KYNU: variants seen among roughly 807,000 people sequenced by gnomAD.
The protein encoded by KYNU is kynureninase.
KYNU carries 54 observed loss-of-function variants against 59.2 expected under a neutral mutation model. That is an observed-to-expected ratio of 0.91 (90% CI 0.73 to 1.14). The LOEUF (loss-of-function observed/expected upper bound fraction) is 1.14, where lower values mean the gene tolerates loss of function less well. KYNU is among the 50% of genes most tolerant of loss of function. The pLI is 0.00. For synonymous variants in KYNU, 177 were observed against 192.0 expected, an observed-to-expected ratio of 0.92 and a Z score of 0.65; for missense variants, 567 against 554.4, an observed-to-expected ratio of 1.02 and a Z score of -0.23.
At chr2:142,918,835 AGT>A in intron 3 of KYNU, 106 bp downstream of exon 3, 1 of 1,297,420 alleles carries the variant, frequency 7.7e-7, no homozygotes, top group Non-Finnish European at 1.1e-6. Context: ...ATCCTAGTAC[AGT>A]CATCCCTTGG....
At chr2:142,965,432 ACGAAAGACT>A (rs1684495744) in intron 8 of KYNU, among the ~76,000 whole-genome samples, 4 of 150,092 alleles carry the variant, frequency 2.7e-5, no homozygotes, top group Non-Finnish European at 5.9e-5. Flanking sequence ...TTTTCTCACC[ACGAAAGACT>A]TGAGGCAAGG....
At chr2:143,020,955 A>G (rs1686389928) in intron 10 of KYNU, among the ~76,000 whole-genome samples, 1 of 152,220 alleles carries the variant, frequency 6.6e-6, no homozygotes, top group African/African-American at 2.4e-5. Flanking sequence ...AGAGTACATA[A>G]TCAGACTTTT....
chr2:142,885,316 G>A, intron 1 of KYNU, 33 bp from the exon 2 acceptor site: 1 of 1,570,796 alleles, frequency 6.4e-7, no homozygotes, highest in Non-Finnish European at 8.7e-7. Flanking sequence ...GAAAATTATG[G>A]TGGCTAGATT....
chr2:143,041,992 A>C (rs955578146), intron 13 of KYNU, 55 bp from the exon 14 acceptor site: 14 of 1,588,646 alleles, frequency 8.8e-6, no homozygotes, highest in African/African-American at 1.3e-5. Context: ...TGGAATGTAG[A>C]TTTTCAACGT....
At position 143,045,024 on chromosome 2, in the gene KYNU, G is replaced by C. The variant is rs538281354; in HGVS notation, c.*2852G>C. 3.9e-5 allele frequency: 6 copies of C among 151,944 alleles called. No individual in the cohort carries two copies. In the South Asian group the frequency reaches 8.3e-4, roughly 21 times the overall value. The allele number at this position is 151,944 out of a possible 1,614,324, so 9.4% of individuals were successfully genotyped here. A position where few individuals can be genotyped will look rare whatever the true frequency, so the allele number is the denominator to read the frequency against. ...TAATTTTTGTATAAGATATAAGAAAGGGGTCCAGTTTCAGTTTTCTGCATA... is the reference window on the plus strand; with the variant it reads ...TAATTTTTGTATAAGATATAAGAAACGGGTCCAGTTTCAGTTTTCTGCATA... On this transcript the variant is annotated 3_prime_UTR_variant, in exon 14 of 14. Coordinates refer to ENST00000264170, the MANE Select transcript of KYNU (RefSeq NM_003937.3).
intron 8 of KYNU, among the ~76,000 whole-genome samples, chr2:142,979,111 G>GT (rs1238718617): frequency 3.3e-5 from 5 of 152,096 alleles, no homozygotes; most frequent in African/African-American, 1.2e-4. Flanking sequence ...AAAAATTTTA[G>GT]TTTTGTGTTA....
At chr2:142,966,802 G>A (rs1684555034) in intron 8 of KYNU, among the ~76,000 whole-genome samples, 1 of 152,056 alleles carries the variant, frequency 6.6e-6, no homozygotes, top group South Asian at 2.1e-4. Context: ...TTAGTGCTTA[G>A]CAGATGGTAA....
chr2:142,934,067 G>C (rs1683309033), intron 4 of KYNU, among the ~76,000 whole-genome samples: 1 of 152,178 alleles, frequency 6.6e-6, no homozygotes, highest in South Asian at 2.1e-4. Context: ...CTGAGGTCCT[G>C]GATTAAGCGA....
chr2:142,951,055 G>A (rs558910395), intron 4 of KYNU, among the ~76,000 whole-genome samples: 14 of 152,330 alleles, frequency 9.2e-5, no homozygotes, highest in Admixed American at 5.9e-4. Context: ...TTATATGAAT[G>A]TGGTTTGTAG....
intron 4 of KYNU, among the ~76,000 whole-genome samples, chr2:142,943,223 C>T (rs1683658045): frequency 6.6e-6 from 1 of 151,662 alleles, no homozygotes; most frequent in Non-Finnish European, 1.5e-5. Context: ...TGCCTGACTA[C>T]CTACTGTAAC....
At chr2:142,914,638 A>G (rs1346209246) in intron 2 of KYNU, among the ~76,000 whole-genome samples, 1 of 152,214 alleles carries the variant, frequency 6.6e-6, no homozygotes, top group African/African-American at 2.4e-5. Flanking sequence ...CATATTGGCA[A>G]TTCTCACAAT....
At chr2:143,041,135 T>G (rs1364057617) in intron 13 of KYNU, among the ~76,000 whole-genome samples, 1 of 151,944 alleles carries the variant, frequency 6.6e-6, no homozygotes, top group East Asian at 1.9e-4. Context: ...TTCTCAGGAG[T>G]GGTAACATTG....
chr2:142,985,560 A>G (rs1290472109), intron 9 of KYNU, among the ~76,000 whole-genome samples: 1 of 151,894 alleles, frequency 6.6e-6, no homozygotes, highest in Admixed American at 6.6e-5. Context: ...ATTTGAAAAC[A>G]GTTGACAGGG....
Position 143,048,871 on chromosome 2 carries a change from G to A in KYNU, c.*6699G>A, listed in dbSNP as rs1440056352. The A allele has an allele frequency of 1.3e-5, 2 of 152,190 alleles. No homozygotes were observed. Among genetic ancestry groups the A allele is most frequent in the Non-Finnish European group, 2.9e-5 (2 of 68,032 alleles). 9.4% of individuals were successfully genotyped at this position (152,190 alleles called of 1,614,324 possible). On this transcript the variant is annotated 3_prime_UTR_variant, in exon 14 of 14. Coordinates refer to ENST00000264170, the MANE Select transcript of KYNU (RefSeq NM_003937.3). ...CAATAGATGCTGGTGAGGCTGTGGAGAAATAAGAATGCTTTTACACTGTTA... is the reference window on the plus strand; with the variant it reads ...CAATAGATGCTGGTGAGGCTGTGGAAAAATAAGAATGCTTTTACACTGTTA...
In KYNU at chr2:143,053,510, A is replaced by T. The variant is rs1031660992; in HGVS notation, c.*11338A>T. 3.9e-5 allele frequency: 6 copies of T among 152,358 alleles called. No homozygotes were observed. Among genetic ancestry groups the T allele is most frequent in the African/African-American group, 1.4e-4 (6 of 41,576 alleles). The allele number at this position is 152,358 out of a possible 1,614,324, so 9.4% of individuals were successfully genotyped here. ...TTGACTTTGTCCGCAGTCAAATCTC[A>T]TCTTGAATTTCTATGTGTTTGGAGA... On this transcript the variant is annotated 3_prime_UTR_variant, in exon 14 of 14. Coordinates refer to ENST00000264170, the MANE Select transcript of KYNU (RefSeq NM_003937.3).
At chr2:143,037,422 A>C (rs187469176) in intron 12 of KYNU, among the ~76,000 whole-genome samples, 374 of 152,354 alleles carry the variant, frequency 2.5e-3, no homozygotes, top group African/African-American at 6.9e-3. Flanking sequence ...TTCTGAATTC[A>C]TAATGAAATA....
In KYNU at chr2:142,938,800, A is replaced by G. The variant is rs112713281; in HGVS notation, c.373+11059A>G. On this transcript the variant is annotated intron_variant, in intron 4 of 13. Coordinates refer to ENST00000264170, the MANE Select transcript of KYNU (RefSeq NM_003937.3). ...CTGTTTTTAGTTTATGACCATATGA[A>G]TATGTTAACCTATTAAATTTTTTTT... Among the ~76,000 whole-genome samples, 662 of 152,032 alleles carry G rather than the reference A, an allele frequency of 4.4e-3. 5 individuals are homozygous for G. The highest frequency in any genetic ancestry group is 0.015 in the African/African-American group (639 of 41,532).
chr2:143,037,459 C>T (rs906743362), intron 12 of KYNU, among the ~76,000 whole-genome samples: 1 of 152,118 alleles, frequency 6.6e-6, no homozygotes, highest in Non-Finnish European at 1.5e-5. Flanking sequence ...AAAGTTAGAG[C>T]ATTCAATTAA....
intron 10 of KYNU, among the ~76,000 whole-genome samples, chr2:143,018,177 A>G (rs1686314662): frequency 6.6e-6 from 1 of 152,006 alleles, no homozygotes; most frequent in South Asian, 2.1e-4. Flanking sequence ...TGTTTTTCTC[A>G]CAATTGCTTT....
Sources: gnomAD v4.1 joint callset for allele counts (sites outside exome capture counted in the v4.1 genomes callset) on GRCh38, gnomAD v4.1.1 for gene constraint, MANE v1.5 for transcripts, NCBI Gene and HGNC (gene_info 2026-07-23, HGNC 2026-07-21) for gene names.